MARCHF1: variants seen among roughly 807,000 people sequenced by gnomAD.
MARCHF1 encodes the protein membrane associated ring-CH-type finger 1, also known as E3 ubiquitin-protein ligase MARCHF1.
In MARCHF1, 40 loss-of-function variants were observed where a neutral mutation model predicts 54.2. The observed-to-expected ratio is 0.74, with a 90% CI of 0.57 to 0.96. The LOEUF (loss-of-function observed/expected upper bound fraction) is 0.96, where lower values mean the gene tolerates loss of function less well. Ranked by LOEUF, MARCHF1 falls within the 40% of genes least tolerant of loss-of-function variation. The pLI, the probability that MARCHF1 is intolerant of heterozygous loss-of-function variation, is 0.00. For synonymous variants in MARCHF1, 236 were observed against 236.3 expected (o/e 1.00, Z 0.01); for missense variants, 586 against 656.5 (o/e 0.89, Z 1.17).
intron 3 of MARCHF1, among the ~76,000 whole-genome samples, chr4:163,985,951 C>A (rs1752853566): frequency 1.3e-5 from 2 of 152,086 alleles, no homozygotes; most frequent in Non-Finnish European, 2.9e-5. Context: ...ATCATTGATT[C>A]TTCTTGCTGT....
intron 4 of MARCHF1, among the ~76,000 whole-genome samples, chr4:163,714,736 G>A (rs1490089885): frequency 6.6e-6 from 1 of 151,858 alleles, no homozygotes; most frequent in African/African-American, 2.4e-5. Context: ...TGAGTGCAGT[G>A]CATGGTTCAC....
intron 8 of MARCHF1, among the ~76,000 whole-genome samples, chr4:163,573,376 C>T (rs1485426691): frequency 2.7e-5 from 4 of 150,914 alleles, no homozygotes; most frequent in Admixed American, 6.6e-5. Context: ...GTTAGTTACA[C>T]GTGTATACAT....
chr4:163,977,242 G>A (rs984215160), intron 3 of MARCHF1, among the ~76,000 whole-genome samples: 14 of 151,978 alleles, frequency 9.2e-5, no homozygotes, highest in African/African-American at 3.4e-4. Context: ...AGTCAGTCAG[G>A]AAAATTATCT....
intron 4 of MARCHF1, among the ~76,000 whole-genome samples, chr4:163,751,957 C>A (rs1275203645): frequency 6.6e-6 from 1 of 150,674 alleles, no homozygotes; most frequent in Non-Finnish European, 1.5e-5. Flanking sequence ...TAACTCTCTT[C>A]CAACAGTAGT....
chr4:163,662,700 C>T (rs1474226700), intron 5 of MARCHF1, among the ~76,000 whole-genome samples: 2 of 151,982 alleles, frequency 1.3e-5, no homozygotes, highest in East Asian at 3.9e-4. Context: ...GTGTCTCCGG[C>T]TAGTGGTGGC....
chr4:164,077,888 T>C (rs375886189), intron 2 of MARCHF1, among the ~76,000 whole-genome samples: 7 of 151,990 alleles, frequency 4.6e-5, no homozygotes, highest in African/African-American at 1.7e-4. Context: ...ACAACAGATG[T>C]TGGAGAGGAT....
At chr4:164,344,594 T>C (rs557007627) in intron 1 of MARCHF1, among the ~76,000 whole-genome samples, 1 of 152,240 alleles carries the variant, frequency 6.6e-6, no homozygotes, top group Admixed American at 6.5e-5. Context: ...GCTGTGTTAG[T>C]TGGGTAAGTG....
intron 1 of MARCHF1, among the ~76,000 whole-genome samples, chr4:164,257,471 C>CT (rs566953261): frequency 1.2e-4 from 17 of 139,582 alleles, no homozygotes; most frequent in South Asian, 7.3e-4. Flanking sequence ...TTGTTTCATT[C>CT]TTTTTTTCTA....
At chr4:164,286,495 T>C (rs553856290) in intron 1 of MARCHF1, among the ~76,000 whole-genome samples, 1 of 152,106 alleles carries the variant, frequency 6.6e-6, no homozygotes, top group African/African-American at 2.4e-5. Flanking sequence ...AAATAATATG[T>C]TTCTTCAGAA....
intron 4 of MARCHF1, among the ~76,000 whole-genome samples, chr4:163,702,437 G>T (rs1191981497): frequency 6.6e-6 from 1 of 152,168 alleles, no homozygotes; most frequent in Admixed American, 6.6e-5. Flanking sequence ...CTTTGGGAGA[G>T]ACTGGTAGCA....
chr4:163,756,652 A>C (rs1746681556), intron 4 of MARCHF1, among the ~76,000 whole-genome samples: 1 of 149,532 alleles, frequency 6.7e-6, no homozygotes, highest in Non-Finnish European at 1.5e-5. Flanking sequence ...AAAAAAAAAA[A>C]AAAAAGGAAA....
chr4:164,377,871 T>C (rs1731243310), intron 1 of MARCHF1, among the ~76,000 whole-genome samples: 2 of 152,200 alleles, frequency 1.3e-5, no homozygotes, highest in African/African-American at 2.4e-5. Context: ...AAAAATACGT[T>C]TGGAGTTAGC....
chr4:163,858,941 C>T (rs1349441977), intron 3 of MARCHF1, among the ~76,000 whole-genome samples: 2 of 152,054 alleles, frequency 1.3e-5, no homozygotes, highest in African/African-American at 4.8e-5. Flanking sequence ...GCAGATGTGT[C>T]CTGGGGGTCT....
chr4:163,651,687 G>A (rs1742972350), intron 5 of MARCHF1, among the ~76,000 whole-genome samples: 1 of 151,472 alleles, frequency 6.6e-6, no homozygotes, highest in South Asian at 2.1e-4. Context: ...AAAAACCTAG[G>A]TTTTATCATG....
intron 4 of MARCHF1, among the ~76,000 whole-genome samples, chr4:163,798,197 G>C (rs887186614): frequency 1.3e-5 from 2 of 152,076 alleles, no homozygotes; most frequent in Non-Finnish European, 1.5e-5. Context: ...TATACAAAGA[G>C]AAAGAAAGAG....
chr4:163,976,653 G>T (rs896729036), intron 3 of MARCHF1, among the ~76,000 whole-genome samples: 3 of 152,098 alleles, frequency 2.0e-5, no homozygotes, highest in Non-Finnish European at 2.9e-5. Context: ...CTTCTGATTT[G>T]TTTGCTGTAA....
intron 2 of MARCHF1, among the ~76,000 whole-genome samples, chr4:164,030,478 G>A (rs1204105146): frequency 1.3e-5 from 2 of 152,142 alleles, no homozygotes; most frequent in African/African-American, 4.8e-5. Context: ...TCTGCTTCAA[G>A]ATCAAACTCA....
At chr4:164,272,967 T>C (rs534464728) in intron 1 of MARCHF1, among the ~76,000 whole-genome samples, 73 of 152,198 alleles carry the variant, frequency 4.8e-4, no homozygotes, top group African/African-American at 1.7e-3. Context: ...TACATACATG[T>C]TCTTAATTAT....
chr4:164,308,360 G>C (rs1228243031), intron 1 of MARCHF1, among the ~76,000 whole-genome samples: 1 of 152,100 alleles, frequency 6.6e-6, no homozygotes, highest in African/African-American at 2.4e-5. Flanking sequence ...TTCTTCTCTG[G>C]ATTTTAGGAC....
Sources: gnomAD v4.1 joint callset for allele counts (sites outside exome capture counted in the v4.1 genomes callset) on GRCh38, gnomAD v4.1.1 for gene constraint, MANE v1.5 for transcripts, NCBI Gene and HGNC (gene_info 2026-07-23, HGNC 2026-07-21) for gene names.